Variants in RGS6 observed in about 807,000 individuals in gnomAD.
The protein encoded by RGS6 is regulator of G-protein signaling 6.
A neutral mutation model predicts 78.5 loss-of-function variants in RGS6; 30 were observed. That is an observed-to-expected ratio of 0.38 (90% CI 0.29 to 0.52). The LOEUF (loss-of-function observed/expected upper bound fraction) is 0.52. Among genes scored for constraint, RGS6 ranks in the 20% least tolerant of loss-of-function variants. RGS6 has a pLI of 0.85. For missense variants in RGS6, 495 were observed against 609.7 expected (o/e 0.81, Z 1.98); for synonymous variants, 206 against 206.0 (o/e 1.00, Z 0.00).
intron 15 of RGS6, among the ~76,000 whole-genome samples, chr14:72,528,278 C>T (rs977852430): frequency 1.3e-5 from 2 of 152,328 alleles, no homozygotes; most frequent in African/African-American, 2.4e-5. Flanking sequence ...CACTGTGCCT[C>T]GGACTCTATT....
chr14:72,049,910 C>A (rs2093120649), intron 2 of RGS6, among the ~76,000 whole-genome samples: 1 of 151,852 alleles, frequency 6.6e-6, no homozygotes, highest in Non-Finnish European at 1.5e-5. Context: ...ATATAACAAC[C>A]AAAACCAAAC....
At chr14:72,148,003 C>T (rs1056415105) in intron 2 of RGS6, among the ~76,000 whole-genome samples, 1 of 151,776 alleles carries the variant, frequency 6.6e-6, no homozygotes, top group Non-Finnish European at 1.5e-5. Context: ...TGGTGGCAGG[C>T]GTCTGTAGTC....
intron 2 of RGS6, among the ~76,000 whole-genome samples, chr14:72,114,899 A>T (rs1460194793): frequency 2.6e-5 from 4 of 152,232 alleles, no homozygotes; most frequent in Non-Finnish European, 5.9e-5. Context: ...ATAAAGGGAA[A>T]CAATCAGACA....
intron 17 of RGS6, 22 bp downstream of exon 17, chr14:72,540,116 C>T: frequency 6.4e-7 from 1 of 1,570,748 alleles, no homozygotes; most frequent in Non-Finnish European, 8.5e-7. Flanking sequence ...CGGTTTTCTT[C>T]CCTCAGCTTT....
chr14:72,509,976 T>C (rs777243390), intron 13 of RGS6, among the ~76,000 whole-genome samples, 178 bp from the exon 14 acceptor site: 38 of 152,210 alleles, frequency 2.5e-4, no homozygotes, highest in Non-Finnish European at 4.7e-4. Flanking sequence ...TTGGTTACTG[T>C]TGGTGTACCA....
chr14:71,891,027 G>T, the RGS6 span, among the ~76,000 whole-genome samples: 1 of 152,096 alleles, frequency 6.6e-6, no homozygotes, highest in African/African-American at 2.4e-5. Context: ...GGGGGACAGG[G>T]GTATTTCTCT....
chr14:71,872,174 C>T, the RGS6 span, among the ~76,000 whole-genome samples: 1 of 152,180 alleles, frequency 6.6e-6, no homozygotes, highest in Non-Finnish European at 1.5e-5. Flanking sequence ...CAGCCACCAA[C>T]TCATGTTCGT....
At chr14:72,180,515 C>T (rs1041852928) in intron 2 of RGS6, among the ~76,000 whole-genome samples, 4 of 152,228 alleles carry the variant, frequency 2.6e-5, no homozygotes, top group South Asian at 2.1e-4. Flanking sequence ...TTATCATAGA[C>T]TCAATTGGCT....
chr14:71,873,162 T>C, the RGS6 span, among the ~76,000 whole-genome samples: 1 of 152,180 alleles, frequency 6.6e-6, no homozygotes, highest in Non-Finnish European at 1.5e-5. Flanking sequence ...TATCCAGTAA[T>C]GGGATGGCTG....
chr14:71,982,876 C>G (rs949402190), intron 2 of RGS6, among the ~76,000 whole-genome samples: 10 of 152,134 alleles, frequency 6.6e-5, no homozygotes, highest in Non-Finnish European at 1.0e-4. Context: ...TCTGAAACAT[C>G]TAGTTAGCCA....
chr14:72,009,243 C>T (rs1199769934), intron 2 of RGS6, among the ~76,000 whole-genome samples: 3 of 152,096 alleles, frequency 2.0e-5, no homozygotes, highest in Admixed American at 6.6e-5. Context: ...CCTAGATACT[C>T]GGGAAGCTGA....
intron 2 of RGS6, among the ~76,000 whole-genome samples, chr14:72,104,103 A>G (rs2095582227): frequency 6.6e-6 from 1 of 152,124 alleles, no homozygotes; most frequent in South Asian, 2.1e-4. Flanking sequence ...ATGTTGGAGG[A>G]ACAACGGTGA....
the RGS6 span, among the ~76,000 whole-genome samples, chr14:71,896,404 T>A: frequency 6.6e-6 from 1 of 152,166 alleles, no homozygotes; most frequent in Non-Finnish European, 1.5e-5. Flanking sequence ...GCATTTGTAA[T>A]CTGTCATGGC....
At chr14:72,557,843 C>T (rs1434611421) in intron 17 of RGS6, among the ~76,000 whole-genome samples, 3 of 152,138 alleles carry the variant, frequency 2.0e-5, no homozygotes, top group Non-Finnish European at 4.4e-5. Flanking sequence ...TTCGAATTCC[C>T]CAACAGAGGA....
Position 72,479,581 on chromosome 14 carries a change from A to G in RGS6, c.854+1252A>G, listed in dbSNP as rs549230427. On this transcript the variant is annotated intron_variant, in intron 12 of 17. Transcript: ENST00000553525. ...TGACACTCCTGCTTTTTCTATGCAA[A>G]TGTGCTGGAAAGTTGCCCTGGCTGG... Among the ~76,000 whole-genome samples, 4 of 152,274 alleles carry G rather than the reference A, an allele frequency of 2.6e-5. No individual in the cohort carries two copies. In the South Asian group the frequency reaches 8.3e-4, roughly 32 times the overall value.
chr14:71,984,937 T>C (rs369453697), intron 2 of RGS6, among the ~76,000 whole-genome samples: 4 of 152,146 alleles, frequency 2.6e-5, no homozygotes, highest in East Asian at 3.9e-4. Context: ...CATATTCCTA[T>C]CATGCAAATA....
At chr14:72,265,414 G>T (rs1369836899) in intron 2 of RGS6, among the ~76,000 whole-genome samples, 1 of 152,176 alleles carries the variant, frequency 6.6e-6, no homozygotes, top group Non-Finnish European at 1.5e-5. Context: ...AGCATGTGCT[G>T]CCAGGTACTG....
intron 3 of RGS6, among the ~76,000 whole-genome samples, chr14:72,356,061 C>T (rs1455382699): frequency 1.3e-5 from 2 of 152,184 alleles, no homozygotes; most frequent in Non-Finnish European, 2.9e-5. Context: ...CTATTATATT[C>T]AGAATTCCCT....
In RGS6 at chr14:72,465,614, GTGGATGGGTGGATGGATGGATGGA is replaced by G. The variant is rs1275487496; in HGVS notation, c.395-136_395-113del. 1.8e-3 allele frequency: 1,030 copies of G among 569,858 alleles called. 5 individuals are homozygous for G. Among genetic ancestry groups the G allele is most frequent in the Admixed American group, 3.4e-3 (122 of 35,928 alleles). The allele number at this position is 569,858 out of a possible 1,614,324, so 35.3% of individuals were successfully genotyped here. ...GATGGATGGATGGTTGGGTGGATGG[GTGGATGGGTGGATGGATGGATGGA>G]TGGATGGATGGATGGATGGATGGGT... is the stretch of plus-strand genomic sequence containing the variant. On this transcript the variant is annotated intron_variant, in intron 6 of 17. Transcript: ENST00000553525.
Sources: allele counts gnomAD v4.1 joint callset (sites outside exome capture counted in the v4.1 genomes callset), GRCh38; gene constraint gnomAD v4.1.1; transcripts MANE v1.5; gene names NCBI Gene and HGNC (gene_info 2026-07-23, HGNC 2026-07-21).